LEPROTL1: variants seen among roughly 807,000 people sequenced by gnomAD.
The protein encoded by LEPROTL1 is leptin receptor overlapping transcript-like 1.
Under a neutral mutation model 15.4 loss-of-function variants are expected in LEPROTL1, and 6 were observed. The ratio of observed to expected loss-of-function variants is 0.39; its 90% CI spans 0.21 to 0.77. LEPROTL1 has a LOEUF of 0.77. LEPROTL1 is among the 30% of genes least tolerant of loss of function. The probability of loss-of-function intolerance (pLI) is 0.41; values close to 1 mark genes in which losing one functional copy is unlikely to be tolerated. For missense variants in LEPROTL1, 128 were observed against 158.1 expected, an observed-to-expected ratio of 0.81 and a Z score of 1.02; for synonymous variants, 56 against 52.6, an observed-to-expected ratio of 1.06 and a Z score of -0.28.
rs1297915823 is a variant in LEPROTL1, at chr8:30,104,363, A to C, written c.156A>C (p.Ala52=). 6.2e-7 allele frequency: 1 copy of C among 1,610,320 alleles called. No homozygotes were observed. Among genetic ancestry groups the C allele is most frequent in the Non-Finnish European group, 8.5e-7 (1 of 1,177,902 alleles). Residue 52 remains alanine (A), a synonymous_variant, in exon 3 of 4, where the codon GCA becomes GCC. Coordinates refer to ENST00000321250, the MANE Select transcript of LEPROTL1 (RefSeq NM_015344.3). ...YILSPIPYCI[A]RRLVDDTDAM... ...TTTCACCTATTCCATACTGCATAGC[A>C]AGAAGATTAGTGGATGATACAGATG...
intron 1 of LEPROTL1, among the ~76,000 whole-genome samples, chr8:30,096,896 G>T (rs1030944400): frequency 4.6e-5 from 7 of 152,106 alleles, no homozygotes; most frequent in Non-Finnish European, 1.0e-4. Flanking sequence ...AAGGAGTGTT[G>T]CTGTAATTAG....
intron 1 of LEPROTL1, among the ~76,000 whole-genome samples, chr8:30,098,781 G>A (rs1802414532): frequency 6.6e-6 from 1 of 152,168 alleles, no homozygotes; most frequent in Admixed American, 6.5e-5. Flanking sequence ...TTTGTTGAGT[G>A]TTAAGAGCCA....
At chr8:30,128,869 T>G (rs779669207) in intron 3 of LEPROTL1, among the ~76,000 whole-genome samples, 1 of 149,310 alleles carries the variant, frequency 6.7e-6, no homozygotes, top group Non-Finnish European at 1.5e-5. Flanking sequence ...TCCCCAGAAG[T>G]GCCCCTATAA....
chr8:30,130,032 G>A (rs1802974208), intron 3 of LEPROTL1, among the ~76,000 whole-genome samples: 1 of 152,078 alleles, frequency 6.6e-6, no homozygotes, highest in Middle Eastern at 3.4e-3. Flanking sequence ...TGATTTAATC[G>A]CCTCCCACCA....
At chr8:30,123,733 G>A (rs75451240) in intron 3 of LEPROTL1, among the ~76,000 whole-genome samples, 13,415 of 152,112 alleles carry the variant, frequency 0.088, 658 homozygotes, top group East Asian at 0.23. Context: ...TATTCATTTA[G>A]TCAAACAATA....
chr8:30,118,019 G>GGTGGTTT (rs751348725), intron 3 of LEPROTL1, among the ~76,000 whole-genome samples: 2 of 26,786 alleles, frequency 7.5e-5, no homozygotes, highest in African/African-American at 2.4e-4. Context: ...TTTTTGATTT[G>GGTGGTTT]TTTTTTTTTT....
chr8:30,131,865 T>G, intron 3 of LEPROTL1: 3 of 1,441,724 alleles, frequency 2.1e-6, no homozygotes, highest in Admixed American at 2.8e-5. Flanking sequence ...AAAGTTCAAA[T>G]GTATGCATTA....
intron 3 of LEPROTL1, among the ~76,000 whole-genome samples, chr8:30,128,293 G>A (rs373770006): frequency 7.2e-5 from 11 of 152,308 alleles, no homozygotes; most frequent in Middle Eastern, 3.4e-3. Flanking sequence ...GGAAGCAGAC[G>A]TCCTGGTTTA....
chr8:30,131,569 A>G (rs1803016789), intron 3 of LEPROTL1, among the ~76,000 whole-genome samples: 1 of 152,148 alleles, frequency 6.6e-6, no homozygotes, highest in Non-Finnish European at 1.5e-5. Context: ...TTGTGTTGCT[A>G]AAGTTCCCAT....
chr8:30,110,778 A>G (rs1802644104), downstream of LEPROTL1, among the ~76,000 whole-genome samples: 1 of 152,162 alleles, frequency 6.6e-6, no homozygotes, highest in South Asian at 2.1e-4. Flanking sequence ...TATGAAAGAG[A>G]AGCGTTGTGG....
Position 30,120,063 on chromosome 8 carries a change from CAATAAATA to C in LEPROTL1, c.280-12276_280-12269del, listed in dbSNP as rs201416312. On this transcript the variant is annotated intron_variant, in intron 3 of 4. Transcript: ENST00000442880. The stretch of plus-strand genomic sequence containing the variant: ...ACTGGGCAACAGAGTGAGACTCCAT[CAATAAATA>C]AATAAATAAATAAATAAATAAATAA... 9.2e-3 allele frequency among the ~76,000 whole-genome samples: 920 copies of C among 100,504 alleles called. 14 individuals carry two copies. The highest frequency in any genetic ancestry group is 0.024 in the African/African-American group (823 of 34,160). 65.9% of individuals were successfully genotyped at this position (100,504 alleles called of 152,430 possible). A position where few individuals can be genotyped will look rare whatever the true frequency, so the allele number is the denominator to read the frequency against.
Position 30,096,665 on chromosome 8 carries a change from G to A in LEPROTL1, c.16+1137G>A, listed in dbSNP as rs116382319. Among the ~76,000 whole-genome samples the A allele has an allele frequency of 8.3e-3, 1,270 of 152,276 alleles. 17 individuals are homozygous for A. The highest frequency in any genetic ancestry group is 0.029 in the African/African-American group (1,209 of 41,552). ...TATTGTGAATTGCTGTGGTTTTTAG[G>A]ATGTTGCCCGTTTCCCTGTTCTTCC... On this transcript the variant is annotated intron_variant, in intron 1 of 3. Transcript: ENST00000321250.
At chr8:30,137,389 A>G in exon 5 of LEPROTL1, 1 of 1,551,698 alleles carries the variant, frequency 6.4e-7, no homozygotes. Context: ...ACCTGCAAGC[A>G]GAGTGTCCAC....
At chr8:30,117,160 T>A (rs994691174) in intron 3 of LEPROTL1, among the ~76,000 whole-genome samples, 2 of 152,116 alleles carry the variant, frequency 1.3e-5, no homozygotes, top group African/African-American at 4.8e-5. Context: ...CAGAAGATGA[T>A]CATCGCTTTA....
At chr8:30,104,677 C>G (rs1206219311) in intron 3 of LEPROTL1, 191 bp downstream of exon 3, 4 of 406,380 alleles carry the variant, frequency 9.8e-6, no homozygotes, top group Non-Finnish European at 1.7e-5. Flanking sequence ...TGGCTTGGAT[C>G]TGCAGCAGCT....
chr8:30,097,500 A>G (rs1802385878), intron 1 of LEPROTL1, among the ~76,000 whole-genome samples: 1 of 151,714 alleles, frequency 6.6e-6, no homozygotes, highest in Non-Finnish European at 1.5e-5. Flanking sequence ...GTGAAACCCC[A>G]TCTCTACTAA....
rs1421975191 is a variant in LEPROTL1 at position 30,095,465 on chromosome 8, G to A, written c.-48G>A. On this transcript the variant is annotated 5_prime_UTR_variant, in exon 1 of 4. Transcript: ENST00000321250. ...CGTCTTGGGTCTCCCGGCTGCCGCT[G>A]CTGCCGCCGCCGCCTCGGGTCGTGG... 7 of 1,465,120 alleles carry A rather than the reference G, an allele frequency of 4.8e-6. No individual in the cohort carries two copies. Among genetic ancestry groups the A allele is most frequent in the Admixed American group, 2.5e-5 (1 of 40,460 alleles). 90.8% of individuals were successfully genotyped at this position (1,465,120 alleles called of 1,614,324 possible). A position where few individuals can be genotyped will look rare whatever the true frequency, so the allele number is the denominator to read the frequency against.
At chr8:30,133,586 G>T (rs560381979) in intron 4 of LEPROTL1, among the ~76,000 whole-genome samples, 2 of 152,152 alleles carry the variant, frequency 1.3e-5, no homozygotes, top group East Asian at 1.9e-4. Flanking sequence ...ACAGCTGAAG[G>T]TTCTTGAATT....
intron 2 of LEPROTL1, among the ~76,000 whole-genome samples, chr8:30,102,564 A>C (rs1802486318): frequency 6.6e-6 from 1 of 151,960 alleles, no homozygotes; most frequent in African/African-American, 2.4e-5. Context: ...AGGCAGGAGA[A>C]TCGCCTGAAC....
Sources: allele counts gnomAD v4.1 joint callset (sites outside exome capture counted in the v4.1 genomes callset), GRCh38; gene constraint gnomAD v4.1.1; transcripts MANE v1.5; gene names NCBI Gene and HGNC (gene_info 2026-07-23, HGNC 2026-07-21).